The following TEAD1 variants were observed in gnomAD, a reference collection of about 807,000 sequenced individuals.
TEAD1 encodes the protein transcriptional enhancer factor TEF-1.
TEAD1 carries 9 observed loss-of-function variants against 54.9 expected under a neutral mutation model. The observed-to-expected ratio is 0.16, with a 90% CI of 0.10 to 0.29. The LOEUF (loss-of-function observed/expected upper bound fraction) is 0.29, where lower values mean the gene tolerates loss of function less well. Among genes scored for constraint, TEAD1 ranks in the 10% least tolerant of loss-of-function variants. The pLI, the probability that TEAD1 is intolerant of heterozygous loss-of-function variation, is 1.00. For missense variants in TEAD1, 387 were observed against 535.9 expected (o/e 0.72, Z 2.74); for synonymous variants, 200 against 187.8 (o/e 1.07, Z -0.53).
At chr11:12,909,562 T>C (rs1948581954) in intron 10 of TEAD1, among the ~76,000 whole-genome samples, 1 of 151,914 alleles carries the variant, frequency 6.6e-6, no homozygotes, top group South Asian at 2.1e-4. Context: ...AGAGGACAGG[T>C]CAATAGGTGC....
intron 3 of TEAD1, among the ~76,000 whole-genome samples, chr11:12,832,479 C>T (rs1235003465): frequency 2.0e-5 from 3 of 152,188 alleles, no homozygotes; most frequent in African/African-American, 7.2e-5. Flanking sequence ...TTATTTTTCT[C>T]CTCTTTCCAT....
intron 2 of TEAD1, among the ~76,000 whole-genome samples, chr11:12,750,475 A>C (rs1267896783): frequency 1.3e-5 from 2 of 152,178 alleles, no homozygotes; most frequent in African/African-American, 2.4e-5. Context: ...ACCATACTGA[A>C]AATACTTTTG....
At chr11:12,826,080 A>AT (rs369366981) in intron 3 of TEAD1, among the ~76,000 whole-genome samples, 43 of 152,362 alleles carry the variant, frequency 2.8e-4, no homozygotes, top group African/African-American at 8.7e-4. Flanking sequence ...GCACAACATA[A>AT]TAAAAAGTCT....
chr11:12,845,047 C>T (rs1461235021), intron 3 of TEAD1, among the ~76,000 whole-genome samples: 3 of 144,014 alleles, frequency 2.1e-5, no homozygotes, highest in East Asian at 2.2e-4. Flanking sequence ...CTCACTGCAA[C>T]CTCTGCCTCC....
In TEAD1 at chr11:12,848,065, A is replaced by C. The variant is rs73427624; in HGVS notation, c.203-14185A>C. Among the ~76,000 whole-genome samples the C allele has an allele frequency of 4.2e-3, 638 of 152,258 alleles. 7 individuals carry two copies. Among genetic ancestry groups the C allele is most frequent in the African/African-American group, 0.014 (588 of 41,550 alleles). ...CCAGAGCATGGCAACCCTAGGAGGAAACATCTCTGGGCACCTGTCTCAGGC... is the reference window on the plus strand; with the variant it reads ...CCAGAGCATGGCAACCCTAGGAGGACACATCTCTGGGCACCTGTCTCAGGC... On this transcript the variant is annotated intron_variant, in intron 3 of 12. Coordinates refer to ENST00000527636, the MANE Select transcript of TEAD1 (RefSeq NM_021961.6).
intron 9 of TEAD1, among the ~76,000 whole-genome samples, chr11:12,887,605 A>G (rs1003235707): frequency 2.0e-5 from 3 of 152,218 alleles, no homozygotes; most frequent in African/African-American, 7.2e-5. Context: ...TGCTATTACA[A>G]TCAAGGTATA....
chr11:12,809,818 A>G (rs1403903052), intron 3 of TEAD1, among the ~76,000 whole-genome samples: 4 of 152,148 alleles, frequency 2.6e-5, no homozygotes, highest in Non-Finnish European at 5.9e-5. Context: ...CAGAGGATCC[A>G]GGCTTTACCT....
intron 3 of TEAD1, among the ~76,000 whole-genome samples, chr11:12,819,181 A>G (rs765537184): frequency 1.3e-5 from 2 of 152,184 alleles, no homozygotes; most frequent in African/African-American, 4.8e-5. Flanking sequence ...TGATGAGCCA[A>G]TTAAGAGAAA....
intron 2 of TEAD1, among the ~76,000 whole-genome samples, chr11:12,699,994 C>T (rs1023414358): frequency 6.6e-6 from 1 of 152,200 alleles, no homozygotes; most frequent in Non-Finnish European, 1.5e-5. Flanking sequence ...TGACCCAGCA[C>T]AGGCGTTGTC....
At chr11:12,701,745 T>C (rs920850065) in intron 2 of TEAD1, among the ~76,000 whole-genome samples, 1 of 152,148 alleles carries the variant, frequency 6.6e-6, no homozygotes, top group Admixed American at 6.6e-5. Flanking sequence ...GGTGTGGGGC[T>C]CACCAGATAA....
At chr11:12,752,818 A>G (rs1043788198) in intron 2 of TEAD1, among the ~76,000 whole-genome samples, 2 of 151,096 alleles carry the variant, frequency 1.3e-5, no homozygotes, top group Non-Finnish European at 2.9e-5. Context: ...GTACAGCTGT[A>G]TACCATTCTA....
intron 9 of TEAD1, among the ~76,000 whole-genome samples, chr11:12,897,273 A>G (rs1948331473): frequency 6.6e-6 from 1 of 152,168 alleles, no homozygotes; most frequent in East Asian, 1.9e-4. Flanking sequence ...TGGGAAGGAG[A>G]GAAGCAAATA....
intron 3 of TEAD1, among the ~76,000 whole-genome samples, chr11:12,779,725 A>C (rs1945505815): frequency 6.6e-6 from 1 of 152,250 alleles, no homozygotes. Flanking sequence ...AAAGGTTAAT[A>C]TACAGTGACC....
chr11:12,865,943 C>T lies in TEAD1; in HGVS notation c.330+1043C>T, dbSNP rs1039256529. On this transcript the variant is annotated intron_variant, in intron 5 of 12. Coordinates refer to ENST00000527636, the MANE Select transcript of TEAD1 (RefSeq NM_021961.6). ...GTTCTGAACTAAAAAACAGTGTAGT[C>T]TCACAACACTTGAGTGGTGAGCACT... Among the ~76,000 whole-genome samples, 3 of 151,980 alleles carry T rather than the reference C, an allele frequency of 2.0e-5. No individual in the cohort carries two copies. The East Asian group carries it at 5.8e-4, about 29-fold the overall frequency.
chr11:12,842,572 A>G (rs1442676291), intron 3 of TEAD1, among the ~76,000 whole-genome samples: 1 of 152,208 alleles, frequency 6.6e-6, no homozygotes, highest in African/African-American at 2.4e-5. Context: ...TCGTTTCTCA[A>G]GCATTCTCTC....
chr11:12,694,963 G>C (rs924912811), intron 2 of TEAD1, among the ~76,000 whole-genome samples: 10 of 152,182 alleles, frequency 6.6e-5, no homozygotes, highest in Non-Finnish European at 1.2e-4. Context: ...TTTAAATTGA[G>C]CTTGTTTCCA....
chr11:12,905,663 C>T (rs1413873082), intron 10 of TEAD1, among the ~76,000 whole-genome samples: 3 of 152,164 alleles, frequency 2.0e-5, no homozygotes, highest in East Asian at 1.9e-4. Context: ...ACACTCCCTT[C>T]GAAATATCTT....
chr11:12,783,134 G>GCA (rs3046325), intron 3 of TEAD1, among the ~76,000 whole-genome samples: 2 of 139,434 alleles, frequency 1.4e-5, no homozygotes, highest in Non-Finnish European at 3.1e-5. Context: ...GTGTGTGTGT[G>GCA]CGCGCACTTT....
intron 2 of TEAD1, among the ~76,000 whole-genome samples, chr11:12,687,824 C>T (rs571440396): frequency 6.6e-6 from 1 of 152,196 alleles, no homozygotes; most frequent in South Asian, 2.1e-4. Context: ...ACTGTGGGGA[C>T]CAGTACCCCT....
Sources: allele counts gnomAD v4.1 joint callset (sites outside exome capture counted in the v4.1 genomes callset), GRCh38; gene constraint gnomAD v4.1.1; transcripts MANE v1.5; gene names NCBI Gene and HGNC (gene_info 2026-07-23, HGNC 2026-07-21).